CDON: variants seen among roughly 807,000 people sequenced by gnomAD.
CDON encodes cell adhesion molecule-related/down-regulated by oncogenes.
In CDON, 73 loss-of-function variants were observed where a neutral mutation model predicts 120.9. The ratio of observed to expected loss-of-function variants is 0.60; its 90% CI spans 0.50 to 0.73. CDON has a LOEUF of 0.73. Among genes scored for constraint, CDON ranks in the 30% least tolerant of loss-of-function variants. The pLI is 0.00. For missense variants in CDON, 1,470 were observed against 1,587.3 expected, an observed-to-expected ratio of 0.93 and a Z score of 1.26; for synonymous variants, 566 against 573.5, an observed-to-expected ratio of 0.99 and a Z score of 0.19.
At position 126,021,293 on chromosome 11, in the gene CDON, T is replaced by C; in HGVS notation, c.304A>G (p.Ser102Gly). The C allele has an allele frequency of 6.2e-7, 1 of 1,614,132 alleles. No individual in the cohort carries two copies. The highest frequency in any genetic ancestry group is 8.5e-7 in the Non-Finnish European group (1 of 1,179,982). Residue 102 changes from serine (S) to glycine (G), a missense_variant, in exon 3 of 20, where the codon AGC (serine) becomes GGC (glycine). By Grantham distance (56) the Ser-to-Gly change is moderately conservative. Transcript: ENST00000531738. ...LGYYQCLANN[S>G]IGAIVSGPAT... is the part of the protein sequence containing the mutation. ...GGGCCACTCACAATGGCACCGATGC[T>C]ATTGTTGGCAAGGCACTGGTAGTAA...
chr11:126,023,388 A>T lies in CDON; in HGVS notation c.76+13T>A. 1.3e-6 allele frequency: 2 copies of T among 1,577,660 alleles called. No homozygotes were observed. Among genetic ancestry groups the T allele is most frequent in the Admixed American group, 1.7e-5 (1 of 59,936 alleles). ...TAAAGGCCAAACCACCCCCTCCCCA[A>T]TTCTACTCTTACCTGAACTCACAGA... On this transcript the variant is annotated intron_variant, in intron 2 of 19. Transcript: ENST00000531738.
chr11:126,012,628 C>T (rs1226128658), intron 7 of CDON, among the ~76,000 whole-genome samples: 3 of 150,548 alleles, frequency 2.0e-5, no homozygotes, highest in Non-Finnish European at 3.0e-5. Context: ...AGGCTGGCCT[C>T]GAACTCCTGA....
Position 125,956,957 on chromosome 11 carries a change from A to G in CDON, c.*3985T>C, listed in dbSNP as rs1277509850. 5.5e-6 allele frequency: 4 copies of G among 724,252 alleles called. No individual in the cohort carries two copies. Among genetic ancestry groups the G allele is most frequent in the Non-Finnish European group, 1.7e-6 (1 of 591,600 alleles). 44.9% of individuals were successfully genotyped at this position (724,252 alleles called of 1,614,324 possible). On this transcript the variant is annotated 3_prime_UTR_variant, in exon 20 of 20. Transcript: ENST00000531738. The stretch of plus-strand genomic sequence containing the variant: ...ATACAAAAGGGCCACACCCGATGCA[A>G]AAGACTTTGCTGGCTTTCTGGTCAG...
chr11:126,045,452 T>C (rs990499540), intron 1 of CDON, among the ~76,000 whole-genome samples: 2 of 152,098 alleles, frequency 1.3e-5, no homozygotes, highest in Non-Finnish European at 2.9e-5. Context: ...TAAACAAAAA[T>C]AGTTCTCAAT....
rs79768980 is a variant in CDON, at chr11:126,053,754, T to C, written c.-62+8825A>G. On this transcript the variant is annotated intron_variant, in intron 1 of 19. Coordinates refer to ENST00000531738, the MANE Select transcript of CDON (RefSeq NM_001378964.1). ...CGAGGATTCCCCATACCCACTCTCA[T>C]ACTCTCATAGTCACCAACAGGAGAG... Among the ~76,000 whole-genome samples the C allele has an allele frequency of 3.7e-4, 57 of 152,310 alleles. 2 individuals carry two copies. In the East Asian group the frequency reaches 0.011, roughly 28 times the overall value.
At chr11:126,057,668 T>G (rs1948711978) in intron 1 of CDON, among the ~76,000 whole-genome samples, 1 of 152,240 alleles carries the variant, frequency 6.6e-6, no homozygotes, top group South Asian at 2.1e-4. Context: ...GTTCACTTAG[T>G]ATACATTAGC....
chr11:125,961,598 C>T (rs377327455), intron 19 of CDON, 126 bp downstream of exon 19: 43 of 1,304,706 alleles, frequency 3.3e-5, no homozygotes, highest in African/African-American at 1.9e-4. Flanking sequence ...AGCACCCCAC[C>T]CAGTCTCCCA....
At chr11:125,965,910 G>T (rs541900910) in intron 18 of CDON, among the ~76,000 whole-genome samples, 4 of 152,298 alleles carry the variant, frequency 2.6e-5, no homozygotes, top group Non-Finnish European at 4.4e-5. Flanking sequence ...CGAGGCAGAC[G>T]GATCACCTGA....
intron 1 of CDON, among the ~76,000 whole-genome samples, chr11:126,032,645 T>A (rs1049318376): frequency 1.3e-5 from 2 of 152,172 alleles, no homozygotes; most frequent in African/African-American, 2.4e-5. Context: ...CGGGGACCTG[T>A]ACTGGAGAAA....
At chr11:125,965,338 A>C (rs1945766100) in intron 18 of CDON, among the ~76,000 whole-genome samples, 1 of 152,128 alleles carries the variant, frequency 6.6e-6, no homozygotes, top group Non-Finnish European at 1.5e-5. Flanking sequence ...AAAATGGAGG[A>C]ATTTTGTCTT....
chr11:125,972,496 G>A (rs762860173), intron 18 of CDON, among the ~76,000 whole-genome samples: 9 of 152,034 alleles, frequency 5.9e-5, no homozygotes, highest in Non-Finnish European at 1.0e-4. Context: ...GAGGCAAGCG[G>A]TCATTTACAG....
Position 126,005,774 on chromosome 11 carries a change from AAAGT to A in CDON, c.1832_1835del (p.Tyr611LeufsTer2). 1 of 1,613,704 alleles carries A rather than the reference AAAGT, an allele frequency of 6.2e-7. No homozygotes were observed. Among genetic ancestry groups the A allele is most frequent in the Non-Finnish European group, 8.5e-7 (1 of 1,180,010 alleles). ...AAGACATTACCTTTCGATACTTCAC[AAAGT>A]AAGCATTGATGGGCAGCCCACCATC... On this transcript the variant is annotated frameshift_variant, in exon 9 of 20. Transcript: ENST00000531738. LOFTEE classifies it high-confidence loss of function.
chr11:126,051,072 T>C (rs1228072156), intron 1 of CDON, among the ~76,000 whole-genome samples: 1 of 152,156 alleles, frequency 6.6e-6, no homozygotes, highest in Non-Finnish European at 1.5e-5. Flanking sequence ...AAATCCTTAA[T>C]TGCACAAATG....
chr11:126,031,720 A>C (rs1947949637), intron 1 of CDON, among the ~76,000 whole-genome samples: 1 of 152,184 alleles, frequency 6.6e-6, no homozygotes, highest in Non-Finnish European at 1.5e-5. Flanking sequence ...TTGTTTTGCC[A>C]TAAGGTGATT....
intron 1 of CDON, among the ~76,000 whole-genome samples, chr11:126,026,994 T>G (rs1007894740): frequency 1.3e-5 from 2 of 152,242 alleles, no homozygotes; most frequent in Non-Finnish European, 2.9e-5. Context: ...ATAGTTGTCC[T>G]TGAAAGTTTC....
In CDON at chr11:125,959,427, T is replaced by C. The variant is rs1240737329; in HGVS notation, c.*1515A>G. ...ACTCAAGCTATGAAACACACTTACA[T>C]AATTATTGTTTTTTAATGTGAAGAG... On this transcript the variant is annotated 3_prime_UTR_variant, in exon 20 of 20. Coordinates refer to ENST00000531738, the MANE Select transcript of CDON (RefSeq NM_001378964.1). 2.0e-5 allele frequency: 3 copies of C among 152,128 alleles called. No individual in the cohort carries two copies. Among genetic ancestry groups the C allele is most frequent in the African/African-American group, 7.2e-5 (3 of 41,428 alleles). 9.4% of individuals were successfully genotyped at this position (152,128 alleles called of 1,614,324 possible).
intron 1 of CDON, among the ~76,000 whole-genome samples, chr11:126,026,669 C>T (rs1336451200): frequency 1.3e-5 from 2 of 152,158 alleles, no homozygotes; most frequent in African/African-American, 4.8e-5. Flanking sequence ...TTCTTGCTGA[C>T]CTCCTTTAAA....
chr11:125,966,006 G>A (rs1353397661), intron 18 of CDON, among the ~76,000 whole-genome samples: 5 of 152,008 alleles, frequency 3.3e-5, no homozygotes, highest in African/African-American at 4.8e-5. Context: ...GCGTGGTGGC[G>A]CATGCCTGTA....
At position 126,015,460 on chromosome 11, in the gene CDON, C is replaced by T; in HGVS notation, c.979G>A (p.Ala327Thr). ...ACGTCGCAGGTAAAGTGTACTGTGG[C>T]ACCCAGAGACACTATCTGATCCTGT... ...GLQDQIVSLG[A>T]TVHFTCDVHG... Residue 327 changes from alanine (A) to threonine (T), a missense_variant, in exon 7 of 20, where the codon GCC becomes ACC. Transcript: ENST00000531738. The T allele has an allele frequency of 1.2e-6, 2 of 1,613,744 alleles. No homozygotes were observed. The highest frequency in any genetic ancestry group is 1.7e-6 in the Non-Finnish European group (2 of 1,179,666).
Sources: gnomAD v4.1 joint callset for allele counts (sites outside exome capture counted in the v4.1 genomes callset) on GRCh38, gnomAD v4.1.1 for gene constraint, MANE v1.5 for transcripts, NCBI Gene and HGNC (gene_info 2026-07-23, HGNC 2026-07-21) for gene names.